KIF26B: variants seen among roughly 807,000 people sequenced by gnomAD.
KIF26B encodes the protein kinesin family member 26B.
A neutral mutation model predicts 151.2 loss-of-function variants in KIF26B; 63 were observed. The ratio of observed to expected loss-of-function variants is 0.42; its 90% CI spans 0.34 to 0.51. The LOEUF is 0.51. Ranked by LOEUF, KIF26B falls within the 20% of genes least tolerant of loss-of-function variation. The pLI is 0.07. For missense variants in KIF26B, 2,813 were observed against 2,913.6 expected (o/e 0.97, Z 0.79); for synonymous variants, 1,357 against 1,262.1 (o/e 1.08, Z -1.59).
chr1:245,156,583 G>C lies in KIF26B; in HGVS notation c.365G>C (p.Gly122Ala). The C allele has an allele frequency of 6.5e-7, 1 of 1,528,180 alleles. No homozygotes were observed. The highest frequency in any genetic ancestry group is 8.7e-7 in the Non-Finnish European group (1 of 1,144,086). The allele number at this position is 1,528,180 out of a possible 1,614,324, so 94.7% of individuals were successfully genotyped here. ...GGCAGCGGCGGCGGCTCCTCCCCCG[G>C]CTCGGACCGCGGCGTCTGGTGCGAG... ...GSGSGGGSSP[G>A]SDRGVWCENC... Residue 122 changes from glycine (G) to alanine (A), a missense_variant, in exon 2 of 15, where the codon GGC becomes GCC. Transcript: ENST00000407071.
intron 3 of KIF26B, among the ~76,000 whole-genome samples, chr1:245,404,184 T>C (rs1248021351): frequency 1.3e-5 from 2 of 150,890 alleles, no homozygotes; most frequent in East Asian, 3.9e-4. Context: ...AGATCATTCA[T>C]TTTTGAGGAA....
At chr1:245,336,895 A>C (rs1672244778) in intron 2 of KIF26B, among the ~76,000 whole-genome samples, 1 of 152,216 alleles carries the variant, frequency 6.6e-6, no homozygotes, top group East Asian at 1.9e-4. Context: ...GTATTGCCTC[A>C]TTAACAGTTG....
chr1:245,505,209 A>G (rs1454415128), intron 4 of KIF26B, among the ~76,000 whole-genome samples: 1 of 150,186 alleles, frequency 6.7e-6, no homozygotes, highest in Non-Finnish European at 1.5e-5. Flanking sequence ...AAGTGCTGGG[A>G]TTACAGACAT....
chr1:245,351,383 A>G (rs1672566065), intron 2 of KIF26B, among the ~76,000 whole-genome samples: 1 of 152,190 alleles, frequency 6.6e-6, no homozygotes, highest in South Asian at 2.1e-4. Context: ...TTCACGTGTT[A>G]AACATAGGGA....
intron 9 of KIF26B, among the ~76,000 whole-genome samples, chr1:245,621,690 T>C (rs1199324748): frequency 6.6e-6 from 1 of 152,246 alleles, no homozygotes; most frequent in African/African-American, 2.4e-5. Context: ...ATTTGCTGTG[T>C]AACTACACTT....
chr1:245,330,040 C>G (rs573976048), intron 2 of KIF26B, among the ~76,000 whole-genome samples: 1 of 152,034 alleles, frequency 6.6e-6, no homozygotes, highest in Non-Finnish European at 1.5e-5. Context: ...CCTCTGGGCT[C>G]AACCGATCTG....
chr1:245,642,943 G>A lies in KIF26B; in HGVS notation c.2099-3178G>A, dbSNP rs548283760. On this transcript the variant is annotated intron_variant, in intron 9 of 14. Transcript: ENST00000407071. ...CACTGCATCAATAGGATAGTTCCAC[G>A]ACTGCAGCAGGAGGTGCTGTACATG... 1.3e-4 allele frequency among the ~76,000 whole-genome samples: 20 copies of A among 152,288 alleles called. No homozygotes were observed. The South Asian group carries it at 3.7e-3, about 28-fold the overall frequency.
rs2043890576 is a variant in KIF26B at position 245,641,370 on chromosome 1, T to C, written c.2099-4751T>C. Among the ~76,000 whole-genome samples the C allele has an allele frequency of 2.0e-5, 3 of 152,164 alleles. No homozygotes were observed. In the South Asian group the frequency reaches 6.2e-4, roughly 32 times the overall value. ...TGACCTTTGTGTACCTGAATATTTA[T>C]ATTTTTCTCCAGGTTTGGAAAGTTC... On this transcript the variant is annotated intron_variant, in intron 9 of 14. Coordinates refer to ENST00000407071, the MANE Select transcript of KIF26B (RefSeq NM_018012.4).
Position 245,367,434 on chromosome 1 carries a change from C to T in KIF26B, c.999+67C>T. On this transcript the variant is annotated intron_variant, in intron 3 of 14. Transcript: ENST00000407071. The surrounding 1 kb of genome is among the most constrained non-coding windows in gnomAD (Gnocchi z 4.2). ...AGTCAAAGCGGAGAAGTAGGCAGCA[C>T]TTCCTTCCGCTGCCTCCTCCCGGGA... 7.4e-7 allele frequency: 1 copy of T among 1,344,516 alleles called. No homozygotes were observed. The highest frequency in any genetic ancestry group is 1.4e-5 in the South Asian group (1 of 71,650). The allele number at this position is 1,344,516 out of a possible 1,614,324, so 83.3% of individuals were successfully genotyped here. A position where few individuals can be genotyped will look rare whatever the true frequency, so the allele number is the denominator to read the frequency against.
chr1:245,610,849 C>T (rs560168070), intron 8 of KIF26B, among the ~76,000 whole-genome samples: 2 of 152,220 alleles, frequency 1.3e-5, no homozygotes, highest in South Asian at 4.1e-4. Flanking sequence ...TTTTGATGGC[C>T]TCAGGTTCTA....
At chr1:245,186,135 A>G (rs947724212) in intron 2 of KIF26B, among the ~76,000 whole-genome samples, 4 of 152,076 alleles carry the variant, frequency 2.6e-5, no homozygotes, top group African/African-American at 9.7e-5. Flanking sequence ...GGTCTCCCAA[A>G]GTGCTGGGAT....
chr1:245,219,127 CTTTTTTTTTTTTTTTTTTTTTTT>C (rs1166578525), intron 2 of KIF26B, among the ~76,000 whole-genome samples: 1 of 56,144 alleles, frequency 1.8e-5, no homozygotes, highest in African/African-American at 6.5e-5. Flanking sequence ...ATACCTACCT[CTTTTTTTTTTTTTTTTTTTTTTT>C]TTTTTTGAGA....
intron 2 of KIF26B, among the ~76,000 whole-genome samples, chr1:245,221,658 C>T (rs1213083602): frequency 6.6e-6 from 1 of 152,180 alleles, no homozygotes; most frequent in Non-Finnish European, 1.5e-5. Flanking sequence ...CAGCTTGCCT[C>T]GGCCTCCCAA....
intron 5 of KIF26B, among the ~76,000 whole-genome samples, chr1:245,542,477 T>C (rs1317986392): frequency 3.3e-5 from 5 of 152,322 alleles, no homozygotes; most frequent in Admixed American, 2.0e-4. Flanking sequence ...AGCAGCAAAG[T>C]AAGACCCAAG....
intron 2 of KIF26B, among the ~76,000 whole-genome samples, chr1:245,179,760 G>A (rs1199473520): frequency 6.6e-6 from 1 of 152,224 alleles, no homozygotes; most frequent in South Asian, 2.1e-4. Flanking sequence ...TAGAATTCGG[G>A]TAATCCAGGA....
chr1:245,254,052 T>C (rs536084264), intron 2 of KIF26B, among the ~76,000 whole-genome samples: 79 of 152,184 alleles, frequency 5.2e-4, no homozygotes, highest in East Asian at 1.4e-3. Context: ...CCTCGTAATT[T>C]GCCCGCCTCG....
At chr1:245,666,746 C>T (rs114953525) in intron 10 of KIF26B, among the ~76,000 whole-genome samples, 2,081 of 151,952 alleles carry the variant, frequency 0.014, 58 homozygotes, top group African/African-American at 0.048. Flanking sequence ...CCAAATGGTA[C>T]GGACAAGTTA....
chr1:245,279,052 T>C (rs377382738), intron 2 of KIF26B, among the ~76,000 whole-genome samples: 2 of 152,130 alleles, frequency 1.3e-5, no homozygotes, highest in East Asian at 3.9e-4. Context: ...GCCTCTGTCA[T>C]GCTTACGGAG....
intron 12 of KIF26B, among the ~76,000 whole-genome samples, chr1:245,696,007 G>T (rs1196848459): frequency 1.3e-5 from 2 of 152,194 alleles, no homozygotes; most frequent in African/African-American, 4.8e-5. Flanking sequence ...GGAGATGGAG[G>T]GTGGCTCTTA....
Sources: gnomAD v4.1 joint callset for allele counts (sites outside exome capture counted in the v4.1 genomes callset) on GRCh38, gnomAD v4.1.1 for gene constraint, Gnocchi (gnomAD v3.1) non-coding constraint, MANE v1.5 for transcripts, NCBI Gene and HGNC (gene_info 2026-07-23, HGNC 2026-07-21) for gene names.